Variants in GSE1 observed in about 807,000 individuals in gnomAD.
GSE1 encodes the protein Gse1 coiled-coil protein, also known as genetic suppressor element 1.
Under a neutral mutation model 112.6 loss-of-function variants are expected in GSE1, and 32 were observed. The ratio of observed to expected loss-of-function variants is 0.28; its 90% confidence interval spans 0.21 to 0.38. GSE1 has a LOEUF of 0.38. Ranked by LOEUF, GSE1 falls within the 10% of genes least tolerant of loss-of-function variation. GSE1 has a pLI of 1.00. For synonymous variants in GSE1, 1,115 were observed against 735.6 expected, an observed-to-expected ratio of 1.52 and a Z score of -8.35; for missense variants, 2,348 against 1,699.2, an observed-to-expected ratio of 1.38 and a Z score of -6.71.
chr16:85,626,729 C>T (rs1015584929), intron 1 of GSE1, among the ~76,000 whole-genome samples: 6 of 152,086 alleles, frequency 3.9e-5, no homozygotes, highest in South Asian at 2.1e-4. Flanking sequence ...GGTCTGGTGC[C>T]GGGGAAGAGC....
chr16:85,612,144 G>C (rs910401335), upstream of GSE1, among the ~76,000 whole-genome samples: 5 of 151,878 alleles, frequency 3.3e-5, no homozygotes, highest in African/African-American at 1.2e-4. Flanking sequence ...ACAGCCCAGG[G>C]CGCCAGAAGG....
At chr16:85,213,412 CA>C (rs1000860290) in intron 1 of GSE1, among the ~76,000 whole-genome samples, 5 of 152,132 alleles carry the variant, frequency 3.3e-5, no homozygotes, top group Non-Finnish European at 5.9e-5. Context: ...ATCATCGTGC[CA>C]CTGCACTCCA....
intron 2 of GSE1, among the ~76,000 whole-genome samples, chr16:85,363,790 G>C (rs753868170): frequency 6.6e-6 from 1 of 152,162 alleles, no homozygotes; most frequent in South Asian, 2.1e-4. Context: ...TGGGTGGGGC[G>C]GGGGAGAAGA....
At position 85,584,298 on chromosome 16, in the gene GSE1, TG is replaced by T. The variant is rs911951723; in HGVS notation, c.37+27938del. On this transcript the variant is annotated intron_variant, in intron 1 of 2. Coordinates refer to the GSE1 transcript ENST00000635906. ...GCCTCCCAGCTGAGAACTGGCTAGCTGGGATGTGCATATGGTAGGCAGGCTG... is the reference window on the plus strand; with the variant it reads ...GCCTCCCAGCTGAGAACTGGCTAGCTGGATGTGCATATGGTAGGCAGGCTG... Among the ~76,000 whole-genome samples the T allele has an allele frequency of 5.5e-4, 83 of 152,104 alleles. 6 individuals carry two copies. Among genetic ancestry groups the T allele is most frequent in the Non-Finnish European group, 2.9e-5 (2 of 68,004 alleles).
chr16:85,608,393 A>G (rs1341183012), upstream of GSE1, among the ~76,000 whole-genome samples: 1 of 152,044 alleles, frequency 6.6e-6, no homozygotes, highest in African/African-American at 2.4e-5. Flanking sequence ...CATACAGGGG[A>G]GCTGGGTGAA....
intron 1 of GSE1, among the ~76,000 whole-genome samples, chr16:85,183,354 C>T (rs903726656): frequency 1.3e-5 from 2 of 152,224 alleles, no homozygotes; most frequent in Non-Finnish European, 2.9e-5. Flanking sequence ...GGGTGTCCGT[C>T]TTAAGACACA....
intron 1 of GSE1, among the ~76,000 whole-genome samples, chr16:85,258,503 C>T (rs997539083): frequency 6.6e-6 from 1 of 152,244 alleles, no homozygotes; most frequent in Non-Finnish European, 1.5e-5. Flanking sequence ...AGCCCTCTTG[C>T]ATCCTGCGGC....
At chr16:85,574,133 G>A (rs935770404) in intron 1 of GSE1, among the ~76,000 whole-genome samples, 6 of 152,218 alleles carry the variant, frequency 3.9e-5, no homozygotes, top group Admixed American at 1.3e-4. Flanking sequence ...CTTGGAAGGC[G>A]TCCAACTGGT....
chr16:85,170,596 G>T, exon 1 of GSE1: 1 of 985,532 alleles, frequency 1.0e-6, no homozygotes, highest in Non-Finnish European at 1.2e-6. Context: ...GGCTCTCCAG[G>T]ACAGCCGGGC....
At chr16:85,525,747 T>C (rs973131984) in intron 2 of GSE1, among the ~76,000 whole-genome samples, 1 of 152,230 alleles carries the variant, frequency 6.6e-6, no homozygotes, top group African/African-American at 2.4e-5. Context: ...CCACAGTTGC[T>C]AGCTGTGTGA....
At chr16:85,477,629 C>T (rs919526669) in intron 2 of GSE1, among the ~76,000 whole-genome samples, 11 of 150,292 alleles carry the variant, frequency 7.3e-5, no homozygotes, top group South Asian at 2.1e-4. Context: ...GGCGCGATCT[C>T]GGCTCACCGC....
intron 2 of GSE1, among the ~76,000 whole-genome samples, chr16:85,502,059 G>A (rs1203227338): frequency 6.6e-6 from 1 of 152,160 alleles, no homozygotes; most frequent in East Asian, 1.9e-4. Context: ...GGAGGGGAGT[G>A]GGTGTCAGGG....
At chr16:85,586,267 C>G (rs2046687016) in intron 1 of GSE1, among the ~76,000 whole-genome samples, 1 of 152,242 alleles carries the variant, frequency 6.6e-6, no homozygotes, top group African/African-American at 2.4e-5. Flanking sequence ...TTTTGTGGCA[C>G]TGGGGGTTAG....
chr16:85,175,021 A>G (rs1166310555), intron 1 of GSE1, among the ~76,000 whole-genome samples: 1 of 149,932 alleles, frequency 6.7e-6, no homozygotes, highest in Non-Finnish European at 1.5e-5. Context: ...TCCCAGAACC[A>G]TGATCTCTGC....
At chr16:85,413,593 C>G (rs1028304768) in intron 2 of GSE1, among the ~76,000 whole-genome samples, 1 of 152,146 alleles carries the variant, frequency 6.6e-6, no homozygotes, top group Non-Finnish European at 1.5e-5. Flanking sequence ...CGCAAATGGA[C>G]ATAGTTACTT....
chr16:85,435,736 C>G (rs888575640), intron 2 of GSE1, among the ~76,000 whole-genome samples: 8 of 152,236 alleles, frequency 5.3e-5, no homozygotes, highest in Non-Finnish European at 1.0e-4. Flanking sequence ...GACGTCTCCA[C>G]GCAGCTCTGT....
upstream of GSE1, among the ~76,000 whole-genome samples, chr16:85,607,477 A>C (rs1237271952): frequency 6.6e-6 from 1 of 152,220 alleles, no homozygotes; most frequent in African/African-American, 2.4e-5. Context: ...AACTGATTGT[A>C]AAGGAGTGCA....
intron 1 of GSE1, among the ~76,000 whole-genome samples, chr16:85,599,242 GGAGA>G (rs1408264846): frequency 6.6e-6 from 1 of 152,212 alleles, no homozygotes; most frequent in Non-Finnish European, 1.5e-5. Flanking sequence ...AGGTTCTTTT[GGAGA>G]GAGAGGCGGG....
chr16:85,487,466 A>G (rs940229743), intron 2 of GSE1, among the ~76,000 whole-genome samples: 3 of 152,088 alleles, frequency 2.0e-5, no homozygotes, highest in Admixed American at 6.6e-5. Context: ...TTTCATAAAC[A>G]CTGAGGCCTC....
Sources: allele counts gnomAD v4.1 joint callset (sites outside exome capture counted in the v4.1 genomes callset), GRCh38; gene constraint gnomAD v4.1.1; transcripts MANE v1.5; gene names NCBI Gene and HGNC (gene_info 2026-07-23, HGNC 2026-07-21).